Variants in MIOS observed in about 807,000 individuals in gnomAD.
MIOS encodes meiosis regulator for oocyte development.
A neutral mutation model predicts 96.9 loss-of-function variants in MIOS; 52 were observed. The observed-to-expected ratio is 0.54, with a 90% confidence interval of 0.43 to 0.68. MIOS has a LOEUF of 0.68. Among genes scored for constraint, MIOS ranks in the 30% least tolerant of loss-of-function variants. The pLI is 0.00. For synonymous variants in MIOS, 397 were observed against 359.5 expected (o/e 1.10, Z -1.18); for missense variants, 1,005 against 1,052.8 (o/e 0.95, Z 0.63).
intron 5 of MIOS, among the ~76,000 whole-genome samples, chr7:7,579,564 T>C (rs1038607141): frequency 2.6e-5 from 4 of 152,188 alleles, no homozygotes; most frequent in African/African-American, 9.6e-5. Context: ...AAAGCAGAGG[T>C]GTCCAATCTT....
At position 7,607,192 on chromosome 7, in the gene MIOS, C is replaced by A. The variant is rs1784556884; in HGVS notation, c.*100C>A. ...CTCAGAACAAGCCATTCATGACTTA[C>A]CTGTAATGGGAAAATAAATCATTCT... is the stretch of plus-strand genomic sequence containing the variant. On this transcript the variant is annotated 3_prime_UTR_variant, in exon 13 of 13. Transcript: ENST00000340080. The A allele has an allele frequency of 2.5e-6, 2 of 791,554 alleles. No individual in the cohort carries two copies. Among genetic ancestry groups the A allele is most frequent in the South Asian group, 1.8e-5 (1 of 57,088 alleles). 49.0% of individuals were successfully genotyped at this position (791,554 alleles called of 1,614,324 possible). A position where few individuals can be genotyped will look rare whatever the true frequency, so the allele number is the denominator to read the frequency against.
intron 11 of MIOS, 145 bp from the exon 12 acceptor site, chr7:7,605,797 C>T: frequency 1.4e-6 from 1 of 740,088 alleles, no homozygotes; most frequent in South Asian, 2.7e-5. Context: ...TTCGCTTCAT[C>T]TAAACTAGAA....
At position 7,607,338 on chromosome 7, in the gene MIOS, A is replaced by G. The variant is rs1784560607; in HGVS notation, c.*246A>G. 3 of 302,092 alleles carry G rather than the reference A, an allele frequency of 9.9e-6. No homozygotes were observed. 18.7% of individuals were successfully genotyped at this position (302,092 alleles called of 1,614,324 possible). A position where few individuals can be genotyped will look rare whatever the true frequency, so the allele number is the denominator to read the frequency against. The stretch of plus-strand genomic sequence containing the variant: ...TTCAGCAGGTTGAAAAGTCTGATTT[A>G]GAAAAACTTTCTAAGTTTTGGTTGA... On this transcript the variant is annotated 3_prime_UTR_variant, in exon 13 of 13. Transcript: ENST00000340080.
intron 9 of MIOS, among the ~76,000 whole-genome samples, chr7:7,591,167 T>C (rs1784037685): frequency 1.3e-5 from 2 of 152,164 alleles, no homozygotes; most frequent in Admixed American, 1.3e-4. Context: ...AAAATGTCTA[T>C]TTCACTCTTA....
rs1012180078 is a variant in MIOS, at chr7:7,601,785, G to A, written c.2402-4157G>A. Among the ~76,000 whole-genome samples, 12 of 152,040 alleles carry A rather than the reference G, an allele frequency of 7.9e-5. No individual in the cohort carries two copies. In the South Asian group the frequency reaches 1.5e-3, roughly 18 times the overall value. ...ACACAACAAAAAAAGAGAATTTTAG[G>A]CCAATATCCTTGATGAACATTGATG... On this transcript the variant is annotated intron_variant, in intron 11 of 12. Transcript: ENST00000340080.
chr7:7,605,607 T>A (rs1486654250), intron 11 of MIOS: 1 of 195,680 alleles, frequency 5.1e-6, no homozygotes, highest in Non-Finnish European at 1.1e-5. Context: ...ACCTGTTCCT[T>A]GAATGTTAAG....
Position 7,573,496 on chromosome 7 carries a change from G to A in MIOS, c.1021G>A (p.Val341Ile), listed in dbSNP as rs765334419. The A allele has an allele frequency of 5.6e-6, 9 of 1,614,110 alleles. No individual in the cohort carries two copies. Among genetic ancestry groups the A allele is most frequent in the South Asian group, 1.1e-5 (1 of 91,080 alleles). ...AACAAGTCAAAATCGAATGATAGTT[G>A]TAACTCCCAACCGAACAATGTCAGA... ...HPTSQNRMIV[V>I]TPNRTMSDFT... Residue 341 changes from valine (V) to isoleucine (I), a missense_variant, in exon 4 of 13, where the codon GTA (valine) becomes ATA (isoleucine). By Grantham distance (29) the Val-to-Ile change is conservative (BLOSUM62 3). Around this residue, in one of 3 missense-constraint regions of MIOS, gnomAD observed 865 missense variants for 887.9 expected, o/e 0.97. Transcript: ENST00000340080. This position sits in a 1 kb window ranked among gnomAD's most constrained non-coding sequence, Gnocchi z 5.0.
intron 7 of MIOS, among the ~76,000 whole-genome samples, chr7:7,586,049 T>C (rs1421396646): frequency 4.6e-5 from 7 of 152,134 alleles, no homozygotes; most frequent in Middle Eastern, 3.2e-3. Flanking sequence ...TTTACAGATA[T>C]AGAAGGAATA....
chr7:7,579,089 A>G (rs1544465), intron 5 of MIOS, among the ~76,000 whole-genome samples: 97,503 of 151,646 alleles, frequency 0.64, 32,062 homozygotes, highest in Admixed American at 0.75. Flanking sequence ...ATTTATGTAT[A>G]GGACAGTCTC....
At position 7,607,777 on chromosome 7, in the gene MIOS, CT is replaced by C. The variant is rs902579346; in HGVS notation, c.*687del. 1.3e-5 allele frequency: 2 copies of C among 152,136 alleles called. No individual in the cohort carries two copies. Among genetic ancestry groups the C allele is most frequent in the African/African-American group, 4.8e-5 (2 of 41,442 alleles). 9.4% of individuals were successfully genotyped at this position (152,136 alleles called of 1,614,324 possible). ...AGAAAAGCCAAGATGAAGAATCTAT[CT>C]TACAACTTTTTCTCTTCAGTAGAGA... is the stretch of plus-strand genomic sequence containing the variant. On this transcript the variant is annotated 3_prime_UTR_variant, in exon 13 of 13. Coordinates refer to ENST00000340080, the MANE Select transcript of MIOS (RefSeq NM_019005.4).
At chr7:7,585,858 A>C in intron 7 of MIOS, 53 bp downstream of exon 7, 1 of 1,404,676 alleles carries the variant, frequency 7.1e-7, no homozygotes, top group Admixed American at 2.5e-5. Flanking sequence ...AGGAGTTTTT[A>C]TCTAACTTTA....
rs1159969466 is a variant in MIOS at position 7,604,362 on chromosome 7, G to C, written c.2402-1580G>C. Among the ~76,000 whole-genome samples the C allele has an allele frequency of 4.6e-5, 7 of 152,018 alleles. No homozygotes were observed. In the East Asian group the frequency reaches 1.2e-3, roughly 25 times the overall value. On this transcript the variant is annotated intron_variant, in intron 11 of 12. Transcript: ENST00000340080. ...CTATAAGCTTATTTAACTGAGAGTT[G>C]ATATTTTTATACTCAATTGTGCTTT...
intron 11 of MIOS, 137 bp from the exon 12 acceptor site, chr7:7,605,805 G>T (rs1043058551): frequency 6.0e-6 from 5 of 840,166 alleles, no homozygotes; most frequent in Admixed American, 5.8e-5. Flanking sequence ...ATCTAAACTA[G>T]AACCTACCAT....
intron 6 of MIOS, among the ~76,000 whole-genome samples, chr7:7,585,014 T>C (rs1163720281): frequency 1.3e-5 from 2 of 152,192 alleles, no homozygotes; most frequent in Non-Finnish European, 1.5e-5. Context: ...TATTGAAATA[T>C]TACTTTCTGC....
chr7:7,598,600 A>G (rs1347608206), intron 11 of MIOS, among the ~76,000 whole-genome samples: 3 of 148,824 alleles, frequency 2.0e-5, no homozygotes, highest in Non-Finnish European at 4.4e-5. Flanking sequence ...AAAATATAGC[A>G]TAAATAAGAC....
At chr7:7,580,330 T>C (rs1350992550) in intron 5 of MIOS, among the ~76,000 whole-genome samples, 1 of 152,184 alleles carries the variant, frequency 6.6e-6, no homozygotes, top group African/African-American at 2.4e-5. Context: ...ACTCCCCTCA[T>C]GGTTGCAAAT....
intron 3 of MIOS, among the ~76,000 whole-genome samples, chr7:7,571,446 T>G (rs1583621402): frequency 6.6e-6 from 1 of 152,234 alleles, no homozygotes; most frequent in Admixed American, 6.5e-5. Context: ...CAGGATGCTT[T>G]GTAGATAAAA....
At position 7,607,348 on chromosome 7, in the gene MIOS, T is replaced by A; in HGVS notation, c.*256T>A. 3.6e-6 allele frequency: 1 copy of A among 279,456 alleles called. No individual in the cohort carries two copies. The highest frequency in any genetic ancestry group is 6.6e-6 in the Non-Finnish European group (1 of 151,130). 17.3% of individuals were successfully genotyped at this position (279,456 alleles called of 1,614,324 possible). On this transcript the variant is annotated 3_prime_UTR_variant, in exon 13 of 13. Transcript: ENST00000340080. The stretch of plus-strand genomic sequence containing the variant: ...TGAAAAGTCTGATTTAGAAAAACTT[T>A]CTAAGTTTTGGTTGAAATTATGAAC...
Position 7,607,099 on chromosome 7 carries a change from A to G in MIOS, c.*7A>G. The G allele has an allele frequency of 1.2e-6, 2 of 1,605,078 alleles. No homozygotes were observed. The highest frequency in any genetic ancestry group is 1.1e-5 in the South Asian group (1 of 90,116). On this transcript the variant is annotated 3_prime_UTR_variant, in exon 13 of 13. Coordinates refer to ENST00000340080, the MANE Select transcript of MIOS (RefSeq NM_019005.4). ...AGAGACTGTCCAGCCATAAAATGTT[A>G]CCACCTTAAGAGAACCCTTCAAGTG...
Sources: gnomAD v4.1 joint callset for allele counts (sites outside exome capture counted in the v4.1 genomes callset) on GRCh38, gnomAD v4.1.1 for gene constraint, gnomAD v4.1.1 regional missense constraint, Gnocchi (gnomAD v3.1) non-coding constraint, MANE v1.5 for transcripts, NCBI Gene and HGNC (gene_info 2026-07-23, HGNC 2026-07-21) for gene names.